Variants in CYP2C19 observed in about 807,000 individuals in gnomAD.
The protein encoded by CYP2C19 is cytochrome P450 family 2 subfamily C member 19.
A neutral mutation model predicts 40.9 loss-of-function variants in CYP2C19; 59 were observed. The observed-to-expected ratio is 1.44, with a 90% CI of 1.17 to 1.79. The LOEUF is 1.79. CYP2C19 is among the 40% of genes most tolerant of loss of function. The pLI, the probability that CYP2C19 is intolerant of heterozygous loss-of-function variation, is 0.00. For synonymous variants in CYP2C19, 253 were observed against 208.7 expected (o/e 1.21, Z -1.83); for missense variants, 754 against 596.9 (o/e 1.26, Z -2.74).
In CYP2C19 at chr10:94,852,819, T is replaced by C; in HGVS notation, c.1378T>C (p.Ser460Pro). ...TFILQNFNLK[S>P]LIDPKDLDTT... ...CATTTTACAGAACTTTAACCTGAAA[T>C]CTCTGATTGACCCAAAGGACCTTGA... The change falls in exon 9 of 9, where the codon TCT becomes CCT. Residue 460 changes from serine to proline, a missense_variant. By Grantham distance (74) the Ser-to-Pro change is moderately conservative. Transcript: ENST00000371321. 1 of 1,614,056 alleles carries C rather than the reference T, an allele frequency of 6.2e-7. No individual in the cohort carries two copies. Among genetic ancestry groups the C allele is most frequent in the Non-Finnish European group, 8.5e-7 (1 of 1,179,982 alleles).
intron 5 of CYP2C19, among the ~76,000 whole-genome samples, chr10:94,782,763 T>A (rs1848495795): frequency 6.6e-6 from 1 of 152,098 alleles, no homozygotes; most frequent in Admixed American, 6.5e-5. Context: ...ATATACACCA[T>A]AAAATACTAT....
chr10:94,835,055 G>T (rs1436049725), intron 6 of CYP2C19, among the ~76,000 whole-genome samples: 2 of 152,150 alleles, frequency 1.3e-5, no homozygotes, highest in South Asian at 2.1e-4. Context: ...GAGCTAGCAG[G>T]CTGGTCCAAG....
chr10:94,833,032 G>A (rs986559071), intron 6 of CYP2C19, among the ~76,000 whole-genome samples: 1 of 151,832 alleles, frequency 6.6e-6, no homozygotes, highest in Non-Finnish European at 1.5e-5. Flanking sequence ...ATTTTAAATG[G>A]GATTACATTT....
At chr10:94,849,537 T>A (rs1849620906) in intron 7 of CYP2C19, among the ~76,000 whole-genome samples, 1 of 151,804 alleles carries the variant, frequency 6.6e-6, no homozygotes, top group South Asian at 2.1e-4. Flanking sequence ...ATGTGCAGGT[T>A]TGTTACATAT....
chr10:94,799,277 G>A (rs948342752), intron 5 of CYP2C19, among the ~76,000 whole-genome samples: 1 of 151,688 alleles, frequency 6.6e-6, no homozygotes, highest in East Asian at 1.9e-4. Flanking sequence ...AGTTTGGCTG[G>A]ATATGAAATT....
At chr10:94,835,986 TA>T (rs1308424395) in intron 6 of CYP2C19, among the ~76,000 whole-genome samples, 5 of 152,206 alleles carry the variant, frequency 3.3e-5, no homozygotes, top group Admixed American at 2.0e-4. Context: ...AGGGAACCTC[TA>T]AAAGTTCCCC....
chr10:94,829,618 G>A (rs1178592268), intron 6 of CYP2C19, among the ~76,000 whole-genome samples: 1 of 152,070 alleles, frequency 6.6e-6, no homozygotes, highest in Admixed American at 6.6e-5. Flanking sequence ...CCATAGCTCA[G>A]AGTAATTTGA....
In CYP2C19 at chr10:94,843,013, C is replaced by G. The variant is rs1364388853; in HGVS notation, c.1138C>G (p.Leu380Val). 18 of 1,614,086 alleles carry G rather than the reference C, an allele frequency of 1.1e-5. No individual in the cohort carries two copies. The highest frequency in any genetic ancestry group is 4.0e-5 in the African/African-American group (3 of 74,924). ...VTCDVKFRNY[L>V]IPKGTTILTS... is the part of the protein sequence containing the mutation. Reference sequence around the variant, plus strand: ...CTGTGACGTTAAATTCAGAAACTACCTCATTCCCAAGGTAAGTTTGTTTCT... The same window carrying G: ...CTGTGACGTTAAATTCAGAAACTACGTCATTCCCAAGGTAAGTTTGTTTCT... The change falls in exon 7 of 9, where the codon CTC becomes GTC. Residue 380 changes from leucine to valine, a missense_variant. Physicochemically the swap from Leu to Val is conservative, Grantham distance 32. Coordinates refer to ENST00000371321, the MANE Select transcript of CYP2C19 (RefSeq NM_000769.4).
chr10:94,852,919 G>A lies in CYP2C19; in HGVS notation c.*5G>A, dbSNP rs917744994. The A allele has an allele frequency of 6.2e-7, 1 of 1,613,850 alleles. No homozygotes were observed. Among genetic ancestry groups the A allele is most frequent in the Non-Finnish European group, 8.5e-7 (1 of 1,179,862 alleles). ...CTGTGCTTCATTCCTGTCTGAAGAAGCACAGATGGTCTGGCTGCTCCTGTG... is the reference window on the plus strand; with the variant it reads ...CTGTGCTTCATTCCTGTCTGAAGAAACACAGATGGTCTGGCTGCTCCTGTG... On this transcript the variant is annotated 3_prime_UTR_variant, in exon 9 of 9. Transcript: ENST00000371321.
chr10:94,806,567 CT>C (rs1377332486), intron 5 of CYP2C19, among the ~76,000 whole-genome samples: 4 of 150,290 alleles, frequency 2.7e-5, no homozygotes, highest in Non-Finnish European at 4.4e-5. Flanking sequence ...TTGTTGTTTT[CT>C]TTTGTTTTCT....
chr10:94,810,019 T>A (rs542867449), intron 5 of CYP2C19, among the ~76,000 whole-genome samples: 3 of 152,240 alleles, frequency 2.0e-5, no homozygotes, highest in Non-Finnish European at 2.9e-5. Flanking sequence ...ATAGCTGGAA[T>A]TACAGAGGCT....
intron 2 of CYP2C19, 48 bp downstream of exon 2, chr10:94,775,268 G>A: frequency 6.2e-7 from 1 of 1,613,428 alleles, no homozygotes; most frequent in Non-Finnish European, 8.5e-7. Context: ...GGATGGGGAG[G>A]ATGGAAAACA....
At chr10:94,809,373 C>T (rs1564672015) in intron 5 of CYP2C19, among the ~76,000 whole-genome samples, 2 of 152,166 alleles carry the variant, frequency 1.3e-5, no homozygotes, top group East Asian at 3.9e-4. Context: ...TATTTTCTTC[C>T]TATCTGTGGG....
chr10:94,840,975 C>A (rs12416196), intron 6 of CYP2C19, among the ~76,000 whole-genome samples: 2 of 151,994 alleles, frequency 1.3e-5, no homozygotes, highest in African/African-American at 2.4e-5. Context: ...CCAATATTAC[C>A]GCTTTGGATG....
chr10:94,807,795 G>T (rs764482014), intron 5 of CYP2C19, among the ~76,000 whole-genome samples: 3 of 151,916 alleles, frequency 2.0e-5, no homozygotes, highest in Admixed American at 6.6e-5. Flanking sequence ...TATTAATCCT[G>T]GTCAGATGAA....
chr10:94,825,427 A>C (rs1009709505), intron 6 of CYP2C19, among the ~76,000 whole-genome samples: 7 of 150,576 alleles, frequency 4.6e-5, no homozygotes, highest in African/African-American at 1.7e-4. Context: ...GCATTTTTTC[A>C]TGTGTTTTTT....
intron 3 of CYP2C19, chr10:94,776,222 C>T (rs1280352689): frequency 6.6e-6 from 1 of 152,144 alleles, no homozygotes; most frequent in East Asian, 1.9e-4. Context: ...GTGAAATACA[C>T]AAATGTCTAT....
At chr10:94,848,259 G>A (rs570911893) in intron 7 of CYP2C19, among the ~76,000 whole-genome samples, 2 of 152,162 alleles carry the variant, frequency 1.3e-5, no homozygotes, top group African/African-American at 4.8e-5. Flanking sequence ...TTTGTATAAG[G>A]TGTAAAGAAG....
chr10:94,852,801 C>T lies in CYP2C19; in HGVS notation c.1360C>T (p.Gln454Ter). ...ELFLFLTFIL[Q>*]NFNLKSLIDP... Reference sequence around the variant, plus strand: ...GTTTTTATTCCTGACCTTCATTTTACAGAACTTTAACCTGAAATCTCTGAT... The same window carrying T: ...GTTTTTATTCCTGACCTTCATTTTATAGAACTTTAACCTGAAATCTCTGAT... The change falls in exon 9 of 9, where the codon CAG (glutamine) becomes TAG (stop). Residue 454 changes from glutamine (Q) to a stop codon, truncating the protein, a stop_gained. Coordinates refer to ENST00000371321, the MANE Select transcript of CYP2C19 (RefSeq NM_000769.4). LOFTEE classifies it low-confidence loss of function (END_TRUNC). 1.2e-6 allele frequency: 2 copies of T among 1,614,080 alleles called. No individual in the cohort carries two copies. Among genetic ancestry groups the T allele is most frequent in the Non-Finnish European group, 1.7e-6 (2 of 1,179,958 alleles).
Sources: gnomAD v4.1 joint callset for allele counts (sites outside exome capture counted in the v4.1 genomes callset) on GRCh38, gnomAD v4.1.1 for gene constraint, MANE v1.5 for transcripts, NCBI Gene and HGNC (gene_info 2026-07-23, HGNC 2026-07-21) for gene names.